Variants in PFKFB1 observed in about 807,000 individuals in gnomAD.
PFKFB1 encodes the protein 6-phosphofructo-2-kinase/fructose-2,6-biphosphatase 1.
Under a neutral mutation model 46.4 loss-of-function variants are expected in PFKFB1, and 34 were observed. That is an observed-to-expected ratio of 0.73 (90% CI 0.56 to 0.98). The LOEUF (loss-of-function observed/expected upper bound fraction) is 0.98. Ranked by LOEUF, PFKFB1 falls within the 50% of genes least tolerant of loss-of-function variation. The pLI, the probability that PFKFB1 is intolerant of heterozygous loss-of-function variation, is 0.00. For synonymous variants in PFKFB1, 119 were observed against 133.8 expected (o/e 0.89, Z 0.76); for missense variants, 393 against 376.3 (o/e 1.04, Z -0.37).
At chrX:54,939,299 C>G (rs762613459) in intron 10 of PFKFB1, among the ~76,000 whole-genome samples, 1 of 110,575 alleles carries the variant, frequency 9.0e-6, no homozygotes, top group East Asian at 2.8e-4. Flanking sequence ...CAGGAAAGAT[C>G]TAAAATTGAC....
intron 1 of PFKFB1, among the ~76,000 whole-genome samples, chrX:54,979,790 T>G (rs900784140): frequency 8.9e-6 from 1 of 111,769 alleles, no homozygotes; most frequent in African/African-American, 3.2e-5. Flanking sequence ...GACTTGTTTT[T>G]AACCCATAAA....
At chrX:54,992,861 A>G (rs1457420862) in intron 1 of PFKFB1, among the ~76,000 whole-genome samples, 1 of 111,630 alleles carries the variant, frequency 9.0e-6, no homozygotes, top group African/African-American at 3.3e-5. Context: ...GAGCTGGTGG[A>G]GATAAGAAAG....
chrX:54,946,666 T>C (rs140567852), intron 9 of PFKFB1, among the ~76,000 whole-genome samples: 2,752 of 111,977 alleles, frequency 0.025, 71 homozygotes, highest in African/African-American at 0.086. Context: ...CTTTCTATTC[T>C]GAGGAGTACT....
chrX:54,960,917 A>G lies in PFKFB1; in HGVS notation c.224T>C (p.Val75Ala), dbSNP rs1317889333. The change falls in exon 3 of 14, where the codon GTG becomes GCG. Residue 75 changes from valine to alanine, a missense_variant and splice_region_variant. Transcript: ENST00000375006. ...YLNWIGTPTK[V>A]FNLGQYRREA... ...TCGTCGATACTGGCCTAAATTAAAC[A>G]CTGAAAGCAGGGAGTGCCAGTGAAG... 1.0e-5 allele frequency: 12 copies of G among 1,164,602 alleles called. No individual in the cohort carries two copies. Among genetic ancestry groups the G allele is most frequent in the Non-Finnish European group, 1.3e-5 (11 of 857,469 alleles).
At chrX:54,992,120 A>G (rs963388601) in intron 1 of PFKFB1, among the ~76,000 whole-genome samples, 1 of 111,242 alleles carries the variant, frequency 9.0e-6, no homozygotes, top group Non-Finnish European at 1.9e-5. Context: ...ACTGTCTTGT[A>G]CACACAGAGC....
At chrX:54,968,744 C>T (rs1444273826) in intron 1 of PFKFB1, among the ~76,000 whole-genome samples, 1 of 110,586 alleles carries the variant, frequency 9.0e-6, no homozygotes, top group Non-Finnish European at 1.9e-5. Flanking sequence ...AAAAATCTTC[C>T]CCCAAAATAC....
intron 1 of PFKFB1, among the ~76,000 whole-genome samples, chrX:54,979,962 G>A (rs979953196): frequency 1.8e-5 from 2 of 111,544 alleles, no homozygotes; most frequent in African/African-American, 3.3e-5. Flanking sequence ...GCAAGAAGTT[G>A]AGGATGATCT....
chrX:54,942,843 A>C (rs1034117904), intron 10 of PFKFB1, among the ~76,000 whole-genome samples: 2 of 112,305 alleles, frequency 1.8e-5, no homozygotes, highest in Non-Finnish European at 3.8e-5. Flanking sequence ...TCAGAAATAA[A>C]AAATAGTCAT....
chrX:54,938,857 C>T (rs974551594), intron 10 of PFKFB1, among the ~76,000 whole-genome samples: 3 of 111,298 alleles, frequency 2.7e-5, no homozygotes, highest in African/African-American at 9.8e-5. Context: ...CAAGGATATC[C>T]AGGAATTGAA....
chrX:54,990,317 G>C (rs1326409397), intron 1 of PFKFB1, among the ~76,000 whole-genome samples: 1 of 110,892 alleles, frequency 9.0e-6, no homozygotes, highest in Non-Finnish European at 1.9e-5. Flanking sequence ...TAATGAAAGA[G>C]AAGCTATAAC....
intron 10 of PFKFB1, among the ~76,000 whole-genome samples, chrX:54,937,962 C>A (rs1452330312): frequency 1.8e-5 from 2 of 111,755 alleles, no homozygotes; most frequent in Non-Finnish European, 3.8e-5. Flanking sequence ...GACTAAATAA[C>A]AATAACAACA....
In PFKFB1 at chrX:54,948,160, T is replaced by C. The variant is rs374945882; in HGVS notation, c.993+915A>G. Among the ~76,000 whole-genome samples the C allele has an allele frequency of 1.5e-4, 17 of 111,256 alleles. No individual in the cohort carries two copies. The South Asian group carries it at 6.2e-3, about 40-fold the overall frequency. The stretch of plus-strand genomic sequence containing the variant: ...CTGGTCTCCAACTCCTGGGCTCAAG[T>C]GATCCTCCCACCTAGCCCTCCCAAA... On this transcript the variant is annotated intron_variant, in intron 9 of 13. Coordinates refer to ENST00000375006, the MANE Select transcript of PFKFB1 (RefSeq NM_002625.4).
chrX:54,973,769 C>G (rs1217500600), intron 1 of PFKFB1, among the ~76,000 whole-genome samples: 1 of 110,679 alleles, frequency 9.0e-6, no homozygotes, highest in Non-Finnish European at 1.9e-5. Context: ...ACTATGTGGT[C>G]AATTTTGGAA....
chrX:54,989,791 A>G (rs1384762783), intron 1 of PFKFB1, among the ~76,000 whole-genome samples: 1 of 112,022 alleles, frequency 8.9e-6, no homozygotes, highest in Non-Finnish European at 1.9e-5. Context: ...AGCTGGTCCA[A>G]GGGCTGGCAC....
At chrX:54,946,922 G>A (rs926476517) in intron 9 of PFKFB1, among the ~76,000 whole-genome samples, 5 of 111,668 alleles carry the variant, frequency 4.5e-5, no homozygotes, top group South Asian at 7.4e-4. Flanking sequence ...AACCAGAAAC[G>A]TAAATTCTTG....
intron 1 of PFKFB1, among the ~76,000 whole-genome samples, chrX:54,969,850 T>C (rs1457733605): frequency 8.9e-6 from 1 of 111,835 alleles, no homozygotes; most frequent in Non-Finnish European, 1.9e-5. Context: ...AATAAATCTG[T>C]CCCTGTTCAT....
At position 54,937,293 on chromosome X, in the gene PFKFB1, C is replaced by T. The variant is rs753534660; in HGVS notation, c.1228+302G>A. Reference sequence around the variant, plus strand: ...AATGTTAGCTAAGAATAATACTATACTAATAATAGCAGTTAATATATAGCC... The same window carrying T: ...AATGTTAGCTAAGAATAATACTATATTAATAATAGCAGTTAATATATAGCC... On this transcript the variant is annotated intron_variant, in intron 11 of 13. Transcript: ENST00000375006. Among the ~76,000 whole-genome samples, 6 of 111,744 alleles carry T rather than the reference C, an allele frequency of 5.4e-5. No homozygotes were observed. In the South Asian group the frequency reaches 2.3e-3, roughly 42 times the overall value.
chrX:54,974,510 A>G (rs1216388644), intron 1 of PFKFB1, among the ~76,000 whole-genome samples: 1 of 111,895 alleles, frequency 8.9e-6, no homozygotes, highest in Non-Finnish European at 1.9e-5. Context: ...TTACAAGATA[A>G]CATTGGGAAA....
Position 54,949,179 on chromosome X carries a change from T to C in PFKFB1, c.889A>G (p.Ser297Gly), listed in dbSNP as rs750412089. 1.7e-6 allele frequency: 2 copies of C among 1,209,633 alleles called. No individual in the cohort carries two copies. The highest frequency in any genetic ancestry group is 3.5e-5 in the African/African-American group (2 of 57,559). Residue 297 changes from serine (S) to glycine (G), a missense_variant, in exon 9 of 14, where the codon AGC (serine) becomes GGC (glycine). Physicochemically the swap from Ser to Gly is moderately conservative, Grantham distance 56 (BLOSUM62 0). Transcript: ENST00000375006. Reference protein sequence around the residue: ...LANFIQSQGISSLKVWTSHMK... With the variant: ...LANFIQSQGIGSLKVWTSHMK... Reference sequence around the variant, plus strand: ...TGACTGGTCCACACCTTCAGGGAGCTGATGCCCTGGGACTGAATGAAGTTG... The same window carrying C: ...TGACTGGTCCACACCTTCAGGGAGCCGATGCCCTGGGACTGAATGAAGTTG...
Sources: gnomAD v4.1 joint callset for allele counts (sites outside exome capture counted in the v4.1 genomes callset) on GRCh38, gnomAD v4.1.1 for gene constraint, MANE v1.5 for transcripts, NCBI Gene and HGNC (gene_info 2026-07-23, HGNC 2026-07-21) for gene names.